Variants in SYNE1 observed in about 807,000 individuals in gnomAD.
SYNE1 encodes the protein spectrin repeat containing nuclear envelope protein 1.
A neutral mutation model predicts 1,111.0 loss-of-function variants in SYNE1; 616 were observed. That is an observed-to-expected ratio of 0.55 (90% confidence interval 0.52 to 0.59). SYNE1 has a LOEUF of 0.59. SYNE1 is among the 20% of genes least tolerant of loss of function. The pLI, the probability that SYNE1 is intolerant of heterozygous loss-of-function variation, is 0.00. For missense variants in SYNE1, 10,006 were observed against 10,417.0 expected (o/e 0.96, Z 1.72); for synonymous variants, 3,855 against 3,825.8 (o/e 1.01, Z -0.28).
At position 152,221,021 on chromosome 6, in the gene SYNE1, C is replaced by A; in HGVS notation, c.21682G>T (p.Ala7228Ser). ...MRWNNLLEEI[A>S]EQLQSSKALL... ...GCCTTGCTGGACTGTAGCTGCTCAG[C>A]AATCTCTTCCAGCAAGTTATTCCAT... Residue 7228 changes from alanine to serine, a missense_variant, in exon 119 of 146, where the codon GCT becomes TCT. Transcript: ENST00000367255. 6.2e-7 allele frequency: 1 copy of A among 1,614,110 alleles called. No homozygotes were observed. The highest frequency in any genetic ancestry group is 1.1e-5 in the South Asian group (1 of 91,082).
intron 2 of SYNE1, among the ~76,000 whole-genome samples, chr6:152,633,312 C>T (rs2129027887): frequency 6.6e-6 from 1 of 152,242 alleles, no homozygotes; most frequent in African/African-American, 2.4e-5. Context: ...CAGCTAAATA[C>T]ATTCAGAAAG....
chr6:152,396,804 A>T lies in SYNE1; in HGVS notation c.7527T>A (p.Ala2509=). 6.2e-7 allele frequency: 1 copy of T among 1,614,162 alleles called. No individual in the cohort carries two copies. The highest frequency in any genetic ancestry group is 2.2e-5 in the East Asian group (1 of 44,870). The change falls in exon 50 of 146, where the codon GCT becomes GCA. Residue 2509 remains alanine, a synonymous_variant. Coordinates refer to ENST00000367255, the MANE Select transcript of SYNE1 (RefSeq NM_182961.4). ...CAAGTTCTGAAGCACAGTCTTGAAG[A>T]GCCTGCTTATCTTTAAGGCATTGTT... ...FLKQCLKDKQ[A]LQDCASELGS...
Position 152,526,159 on chromosome 6 carries a change from A to T in SYNE1, c.146T>A (p.Val49Glu). Residue 49 changes from valine to glutamate, a missense_variant, in exon 5 of 146, where the codon GTG (valine) becomes GAG (glutamate). Coordinates refer to ENST00000367255, the MANE Select transcript of SYNE1 (RefSeq NM_182961.4). ...SHLAKRKPPM[V>E]VDDLFEDMKD... ...CATGTCTTCAAAAAGATCGTCCACC[A>T]CCATTGGAGGTTTCCGCTGTAAAAG... 1 of 1,614,070 alleles carries T rather than the reference A, an allele frequency of 6.2e-7. No individual in the cohort carries two copies. Among genetic ancestry groups the T allele is most frequent in the Non-Finnish European group, 8.5e-7 (1 of 1,179,972 alleles).
chr6:152,520,492 A>G lies in SYNE1; in HGVS notation c.276T>C (p.Ile92=), dbSNP rs1300839353. The G allele has an allele frequency of 1.2e-6, 2 of 1,613,646 alleles. No homozygotes were observed. The highest frequency in any genetic ancestry group is 8.5e-7 in the Non-Finnish European group (1 of 1,179,686). Residue 92 remains isoleucine, a synonymous_variant, in exon 6 of 146, where the codon ATT becomes ATC. Transcript: ENST00000367255. ...RMKRIHAVAN[I]GTALKFLEGR... is the part of the protein sequence containing the mutation. Reference sequence around the variant, plus strand: ...CTTCGAGGAACTTGAGTGCCGTGCCAATGTTAGCCACAGCATGGATTCGCT... The same window carrying G: ...CTTCGAGGAACTTGAGTGCCGTGCCGATGTTAGCCACAGCATGGATTCGCT...
intron 21 of SYNE1, 46 bp from the exon 22 acceptor site, chr6:152,458,976 C>A (rs1404551168): frequency 9.6e-6 from 15 of 1,566,784 alleles, no homozygotes; most frequent in Admixed American, 1.7e-5. Flanking sequence ...CCATTAAGTG[C>A]CACTAGCTCA....
At chr6:152,422,828 C>T (rs2098288087) in intron 39 of SYNE1, among the ~76,000 whole-genome samples, 1 of 152,216 alleles carries the variant, frequency 6.6e-6, no homozygotes, top group South Asian at 2.1e-4. Flanking sequence ...CAAACTTTAA[C>T]ACAAATCTCT....
intron 5 of SYNE1, among the ~76,000 whole-genome samples, chr6:152,523,244 AG>A (rs1174864853): frequency 8.5e-5 from 13 of 152,100 alleles, no homozygotes; most frequent in Admixed American, 2.6e-4. Flanking sequence ...GGCGAGGGAT[AG>A]GGGTCCAGTT....
chr6:152,225,372 AT>A (rs1174342590), intron 116 of SYNE1, among the ~76,000 whole-genome samples: 1 of 151,894 alleles, frequency 6.6e-6, no homozygotes, highest in Non-Finnish European at 1.5e-5. Flanking sequence ...CCTCATAATT[AT>A]TTATCTCTGT....
intron 95 of SYNE1, among the ~76,000 whole-genome samples, chr6:152,287,811 T>C (rs2094412045): frequency 6.6e-6 from 1 of 152,200 alleles, no homozygotes; most frequent in Non-Finnish European, 1.5e-5. Flanking sequence ...CCTCCCAAAG[T>C]GCTGGGATTA....
intron 140 of SYNE1, among the ~76,000 whole-genome samples, chr6:152,137,843 CA>C (rs1280961838): frequency 6.6e-6 from 1 of 152,160 alleles, no homozygotes; most frequent in Non-Finnish European, 1.5e-5. Context: ...GATTATTCCA[CA>C]GATTTATTCA....
chr6:152,440,850 A>C (rs2098523088), intron 32 of SYNE1, among the ~76,000 whole-genome samples: 1 of 151,958 alleles, frequency 6.6e-6, no homozygotes, highest in Non-Finnish European at 1.5e-5. Flanking sequence ...ACAGGAGTTG[A>C]GTCACAGCGC....
chr6:152,291,918 C>A (rs1469141695), intron 95 of SYNE1, among the ~76,000 whole-genome samples: 1 of 152,192 alleles, frequency 6.6e-6, no homozygotes, highest in Non-Finnish European at 1.5e-5. Context: ...AGAACGGGGC[C>A]TCCTACAGAA....
chr6:152,327,652 C>A (rs907453626), intron 78 of SYNE1, among the ~76,000 whole-genome samples: 1 of 152,100 alleles, frequency 6.6e-6, no homozygotes, highest in Admixed American at 6.5e-5. Context: ...ATAAGAAATG[C>A]CCCAGGAACC....
chr6:152,458,850 C>T lies in SYNE1; in HGVS notation c.2475G>A (p.Thr825=), dbSNP rs758181903. The change falls in exon 22 of 146, where the codon ACG becomes ACA. Residue 825 remains threonine, a synonymous_variant. Transcript: ENST00000367255. ...TTTTCCCAAGTGAGTCATAAAAGGACGTCATCTGCTTTTCTAATTCCTCCA... is the reference window on the plus strand; with the variant it reads ...TTTTCCCAAGTGAGTCATAAAAGGATGTCATCTGCTTTTCTAATTCCTCCA... ...IPLEELEKQM[T]SFYDSLGKIN... The T allele has an allele frequency of 2.2e-5, 35 of 1,614,050 alleles. No individual in the cohort carries two copies. Among genetic ancestry groups the T allele is most frequent in the Admixed American group, 5.0e-5 (3 of 60,014 alleles).
chr6:152,323,774 A>T (rs754533598), intron 81 of SYNE1, 37 bp from the exon 82 acceptor site: 20 of 1,611,276 alleles, frequency 1.2e-5, no homozygotes, highest in Non-Finnish European at 4.2e-6. Flanking sequence ...GTTCAATAAT[A>T]AATAAACTGA....
At chr6:152,226,590 T>G (rs1562323831) in intron 115 of SYNE1, among the ~76,000 whole-genome samples, 1 of 152,216 alleles carries the variant, frequency 6.6e-6, no homozygotes, top group Non-Finnish European at 1.5e-5. Context: ...GATCTGGAGC[T>G]CATACTGAAC....
intron 3 of SYNE1, among the ~76,000 whole-genome samples, chr6:152,608,023 G>A (rs1275904845): frequency 6.6e-6 from 1 of 152,090 alleles, no homozygotes; most frequent in African/African-American, 2.4e-5. Flanking sequence ...ACACACACTG[G>A]GGCCTGTTGA....
intron 63 of SYNE1, 126 bp from the exon 64 acceptor site, chr6:152,362,449 G>T (rs763297430): frequency 6.6e-5 from 85 of 1,289,062 alleles, no homozygotes; most frequent in Non-Finnish European, 9.2e-5. Context: ...GCTTGCTTGG[G>T]AGTGAGCAGG....
chr6:152,331,861 A>G lies in SYNE1; in HGVS notation c.12824T>C (p.Leu4275Pro). The change falls in exon 78 of 146, where the codon CTG becomes CCG. Residue 4275 changes from leucine to proline, a missense_variant. Coordinates refer to ENST00000367255, the MANE Select transcript of SYNE1 (RefSeq NM_182961.4). ...RSDAESTAVH[L>P]EALKKLALAL... ...CAATGCTAACTTTTTCAAAGCTTCC[A>G]GGTGGACAGCTGTACTCTCTGCATC... 6.2e-7 allele frequency: 1 copy of G among 1,613,206 alleles called. No individual in the cohort carries two copies. The highest frequency in any genetic ancestry group is 1.1e-5 in the South Asian group (1 of 91,082).
Sources: allele counts gnomAD v4.1 joint callset (sites outside exome capture counted in the v4.1 genomes callset), GRCh38; gene constraint gnomAD v4.1.1; transcripts MANE v1.5; gene names NCBI Gene and HGNC (gene_info 2026-07-23, HGNC 2026-07-21).